Variants in PLPPR1 observed in about 807,000 individuals in gnomAD.
PLPPR1 encodes the protein phospholipid phosphatase-related protein type 1.
In PLPPR1, 10 loss-of-function variants were observed where a neutral mutation model predicts 33.1. The observed-to-expected ratio is 0.30, with a 90% confidence interval of 0.19 to 0.51. The LOEUF is 0.51. PLPPR1 is among the 20% of genes least tolerant of loss of function. The probability of loss-of-function intolerance (pLI) is 0.97; values close to 1 mark genes in which losing one functional copy is unlikely to be tolerated. For synonymous variants in PLPPR1, 151 were observed against 151.0 expected, an observed-to-expected ratio of 1.00 and a Z score of 0.00; for missense variants, 304 against 408.1, an observed-to-expected ratio of 0.74 and a Z score of 2.20.
At chr9:101,080,794 G>A (rs1364397694) in intron 1 of PLPPR1, among the ~76,000 whole-genome samples, 1 of 152,112 alleles carries the variant, frequency 6.6e-6, no homozygotes, top group African/African-American at 2.4e-5. Flanking sequence ...ACTGTTTGGA[G>A]ACCCTTTTTT....
chr9:101,141,399 G>A lies in PLPPR1; in HGVS notation c.-45-44051G>A, dbSNP rs896061109. ...TGTGAATTATCTTATTTAATTCTGG[G>A]CACGATCTATGAAGTAGACATTATT... On this transcript the variant is annotated intron_variant, in intron 1 of 7. Coordinates refer to ENST00000374874, the MANE Select transcript of PLPPR1 (RefSeq NM_207299.2). 3.9e-5 allele frequency among the ~76,000 whole-genome samples: 6 copies of A among 152,108 alleles called. No homozygotes were observed. The South Asian group carries it at 1.0e-3, about 26-fold the overall frequency.
At chr9:101,271,323 G>A (rs1828096242) in intron 3 of PLPPR1, among the ~76,000 whole-genome samples, 1 of 152,198 alleles carries the variant, frequency 6.6e-6, no homozygotes, top group Non-Finnish European at 1.5e-5. Context: ...GCTTAGAAAT[G>A]ACTTAGCGCA....
At chr9:101,213,122 AG>A (rs1826718643) in intron 2 of PLPPR1, among the ~76,000 whole-genome samples, 1 of 152,198 alleles carries the variant, frequency 6.6e-6, no homozygotes, top group Non-Finnish European at 1.5e-5. Context: ...TGGTGAAACT[AG>A]GGTTCAAATT....
intron 1 of PLPPR1, among the ~76,000 whole-genome samples, chr9:101,145,871 C>T (rs1280001883): frequency 1.4e-5 from 2 of 146,068 alleles, no homozygotes; most frequent in African/African-American, 5.0e-5. Context: ...ATGAAAATAG[C>T]CAAATATGCT....
chr9:101,312,170 T>A (rs958436380), intron 5 of PLPPR1, among the ~76,000 whole-genome samples: 3 of 152,214 alleles, frequency 2.0e-5, no homozygotes, highest in African/African-American at 4.8e-5. Context: ...ATAAAGCTGA[T>A]CACAGCTGTC....
chr9:101,137,098 C>A (rs1227904194), intron 1 of PLPPR1, among the ~76,000 whole-genome samples: 1 of 152,044 alleles, frequency 6.6e-6, no homozygotes, highest in Non-Finnish European at 1.5e-5. Context: ...ATCTTATATA[C>A]CCTGTACATA....
chr9:101,207,746 G>C (rs531186760), intron 2 of PLPPR1, among the ~76,000 whole-genome samples: 3 of 152,200 alleles, frequency 2.0e-5, no homozygotes, highest in Non-Finnish European at 4.4e-5. Context: ...TCAAGAATTA[G>C]AGGAAGAAGA....
chr9:101,143,927 T>C (rs958463413), intron 1 of PLPPR1, among the ~76,000 whole-genome samples: 1 of 152,208 alleles, frequency 6.6e-6, no homozygotes, highest in Non-Finnish European at 1.5e-5. Flanking sequence ...ATCTCATTAC[T>C]GGGTATATAC....
At chr9:101,127,951 T>G (rs1831266177) in intron 1 of PLPPR1, among the ~76,000 whole-genome samples, 1 of 151,694 alleles carries the variant, frequency 6.6e-6, no homozygotes, top group Admixed American at 6.6e-5. Flanking sequence ...AGAAAGAGAG[T>G]AGGAAGAATT....
intron 1 of PLPPR1, among the ~76,000 whole-genome samples, chr9:101,094,808 C>A (rs1830793669): frequency 6.6e-6 from 1 of 152,134 alleles, no homozygotes. Flanking sequence ...CTTTAGCAGC[C>A]ACTGTGTCAC....
At chr9:101,056,527 T>G (rs1022195887) in intron 1 of PLPPR1, among the ~76,000 whole-genome samples, 2 of 152,202 alleles carry the variant, frequency 1.3e-5, no homozygotes, top group Non-Finnish European at 2.9e-5. Context: ...TTTGTTTTTC[T>G]GTAGCAATAC....
intron 1 of PLPPR1, among the ~76,000 whole-genome samples, chr9:101,076,001 G>A (rs1830530693): frequency 6.6e-6 from 1 of 152,168 alleles, no homozygotes; most frequent in South Asian, 2.1e-4. Flanking sequence ...TGACACAGAA[G>A]GGGCACGCGG....
At position 101,103,269 on chromosome 9, in the gene PLPPR1, T is replaced by C. The variant is rs1185529985; in HGVS notation, c.-46+74167T>C. Among the ~76,000 whole-genome samples, 2 of 109,708 alleles carry C rather than the reference T, an allele frequency of 1.8e-5. 1 individual carries two copies. Among genetic ancestry groups the C allele is most frequent in the African/African-American group, 7.5e-5 (2 of 26,746 alleles). 72.0% of individuals were successfully genotyped at this position (109,708 alleles called of 152,430 possible). On this transcript the variant is annotated intron_variant, in intron 1 of 7. Transcript: ENST00000374874. Reference sequence around the variant, plus strand: ...TGCCTAGGTTTTCTTCTAGGGTTTTTATGGTTTTAGGTCTAACGTTTAAAT... The same window carrying C: ...TGCCTAGGTTTTCTTCTAGGGTTTTCATGGTTTTAGGTCTAACGTTTAAAT...
intron 1 of PLPPR1, among the ~76,000 whole-genome samples, chr9:101,072,017 G>A (rs546597440): frequency 1.3e-5 from 2 of 152,250 alleles, no homozygotes; most frequent in South Asian, 2.1e-4. Flanking sequence ...TAGTTGGAAC[G>A]TGGTGTTTGG....
At chr9:101,253,489 C>T (rs756733892) in intron 2 of PLPPR1, among the ~76,000 whole-genome samples, 1 of 151,784 alleles carries the variant, frequency 6.6e-6, no homozygotes, top group Non-Finnish European at 1.5e-5. Context: ...TGCAGTGAGC[C>T]AAGATCATGC....
rs527884198 is a variant in PLPPR1, at chr9:101,046,435, C to CTTTTTTTTTTTTT, written c.-46+17343_-46+17355dup. ...CCAATTTTTCTTTACCTCTTTTATT[C>CTTTTTTTTTTTTT]TTTTTTTTTTTTTTTTTTTTTTGAG... On this transcript the variant is annotated intron_variant, in intron 1 of 7. Transcript: ENST00000374874. 1.6e-4 allele frequency among the ~76,000 whole-genome samples: 19 copies of CTTTTTTTTTTTTT among 116,752 alleles called. 1 individual carries two copies. The highest frequency in any genetic ancestry group is 1.1e-3 in the East Asian group (4 of 3,674). The allele number at this position is 116,752 out of a possible 152,430, so 76.6% of individuals were successfully genotyped here. A position where few individuals can be genotyped will look rare whatever the true frequency, so the allele number is the denominator to read the frequency against.
intron 1 of PLPPR1, among the ~76,000 whole-genome samples, chr9:101,095,313 T>C (rs769401819): frequency 1.3e-5 from 2 of 152,176 alleles, no homozygotes; most frequent in Non-Finnish European, 2.9e-5. Flanking sequence ...TTCTGACAGC[T>C]GTGGGTAGAA....
At chr9:101,278,602 G>A (rs1320848798) in intron 3 of PLPPR1, among the ~76,000 whole-genome samples, 1 of 152,192 alleles carries the variant, frequency 6.6e-6, no homozygotes, top group Non-Finnish European at 1.5e-5. Context: ...TGTGAGAACA[G>A]GACTTTGCCT....
intron 3 of PLPPR1, among the ~76,000 whole-genome samples, chr9:101,277,701 G>A (rs946602588): frequency 7.2e-5 from 11 of 152,166 alleles, no homozygotes; most frequent in African/African-American, 2.7e-4. Context: ...CAAGCAACTA[G>A]TCCAAAATTA....
Sources: gnomAD v4.1 joint callset for allele counts (sites outside exome capture counted in the v4.1 genomes callset) on GRCh38, gnomAD v4.1.1 for gene constraint, MANE v1.5 for transcripts, NCBI Gene and HGNC (gene_info 2026-07-23, HGNC 2026-07-21) for gene names.